Variants in SATB2 observed in about 807,000 individuals in gnomAD.
SATB2 encodes SATB homeobox 2, also known as DNA-binding protein SATB2.
SATB2 carries 1 observed loss-of-function variant against 73.4 expected under a neutral mutation model. That is an observed-to-expected ratio of 0.01 (90% confidence interval 0.00 to 0.06). The LOEUF is 0.06. Among genes scored for constraint, SATB2 ranks in the 10% least tolerant of loss-of-function variants. The pLI, the probability that SATB2 is intolerant of heterozygous loss-of-function variation, is 1.00. For synonymous variants in SATB2, 397 were observed against 367.0 expected, an observed-to-expected ratio of 1.08 and a Z score of -0.93; for missense variants, 459 against 945.8, an observed-to-expected ratio of 0.49 and a Z score of 6.75.
rs776339070 is a variant in SATB2, at chr2:199,409,653, T to TC, written c.346+23684_346+23685insG. On this transcript the variant is annotated intron_variant, in intron 3 of 10. Coordinates refer to ENST00000417098, the MANE Select transcript of SATB2 (RefSeq NM_001172509.2). ...ACTTTAAAAAAAACCAAGACAAGTTTTTTTTGTTTTTTTTTGTTTTTTTTT... is the reference window on the plus strand; with the variant it reads ...ACTTTAAAAAAAACCAAGACAAGTTTCTTTTTGTTTTTTTTTGTTTTTTTTT... Among the ~76,000 whole-genome samples, 120 of 137,562 alleles carry TC rather than the reference T, an allele frequency of 8.7e-4. 2 individuals carry two copies. Among genetic ancestry groups the TC allele is most frequent in the Non-Finnish European group, 4.5e-4 (27 of 59,578 alleles). The allele number at this position is 137,562 out of a possible 152,430, so 90.2% of individuals were successfully genotyped here. A position where few individuals can be genotyped will look rare whatever the true frequency, so the allele number is the denominator to read the frequency against.
At chr2:199,336,994 A>G (rs1261724847) in intron 7 of SATB2, among the ~76,000 whole-genome samples, 1 of 152,182 alleles carries the variant, frequency 6.6e-6, no homozygotes, top group African/African-American at 2.4e-5. Flanking sequence ...AGTTTAATCA[A>G]TGTTAGCCAT....
At chr2:199,312,919 A>T (rs1210949565) in intron 9 of SATB2, among the ~76,000 whole-genome samples, 3 of 152,188 alleles carry the variant, frequency 2.0e-5, no homozygotes, top group Non-Finnish European at 4.4e-5. Context: ...CAAAAATGGC[A>T]AGGTAATAGA....
intron 7 of SATB2, 86 bp from the exon 8 acceptor site, chr2:199,328,996 G>T: frequency 9.6e-7 from 1 of 1,044,874 alleles, no homozygotes; most frequent in Non-Finnish European, 1.5e-6. Context: ...CTCCTCCTTT[G>T]TTTGGTTTAA....
At chr2:199,373,580 CT>C (rs149649131) in intron 5 of SATB2, among the ~76,000 whole-genome samples, 4,003 of 152,226 alleles carry the variant, frequency 0.026, 182 homozygotes, top group African/African-American at 0.093. Context: ...TGTCAGCACC[CT>C]CACCTGTGAT....
At position 199,455,582 on chromosome 2, in the gene SATB2, G is replaced by C. The variant is rs184098636; in HGVS notation, c.169+287C>G. Among the ~76,000 whole-genome samples the C allele has an allele frequency of 1.3e-5, 2 of 152,318 alleles. No individual in the cohort carries two copies. Among genetic ancestry groups the C allele is most frequent in the African/African-American group, 4.8e-5 (2 of 41,570 alleles). The stretch of plus-strand genomic sequence containing the variant: ...GTTAAATCACTAAAAAGCTCTCTAG[G>C]AAAATCTAGAAACAGTTAGCTGGCT... On this transcript the variant is annotated intron_variant, in intron 2 of 10. Transcript: ENST00000417098. The surrounding 1 kb of genome is among the most constrained non-coding windows in gnomAD (Gnocchi z 4.1).
At chr2:199,447,091 G>A (rs946239433) in intron 2 of SATB2, among the ~76,000 whole-genome samples, 11 of 151,838 alleles carry the variant, frequency 7.2e-5, no homozygotes, top group African/African-American at 2.2e-4. Flanking sequence ...CAAGGTTCCC[G>A]GGTGAACTCC....
At chr2:199,424,036 A>T (rs1460467617) in intron 3 of SATB2, 1 of 152,212 alleles carries the variant, frequency 6.6e-6, no homozygotes, top group Non-Finnish European at 1.5e-5. Flanking sequence ...CTTGTAAAAT[A>T]GTAGCACAGA....
At chr2:199,404,417 T>C (rs1690573025) in intron 3 of SATB2, among the ~76,000 whole-genome samples, 1 of 152,150 alleles carries the variant, frequency 6.6e-6, no homozygotes, top group Non-Finnish European at 1.5e-5. Flanking sequence ...GTAATTAAAA[T>C]AGTGCACATT....
chr2:199,308,806 C>G lies in SATB2; in HGVS notation c.1694G>C (p.Ser565Thr). Reference protein sequence around the residue: ...IYEEESRHHHSERMQHVVQLP... With the variant: ...IYEEESRHHHTERMQHVVQLP... ...CTGGACCACGTGTTGCATGCGTTCG[C>G]TGTGGTGATGCCTTGACTCCTCCTC... is the stretch of plus-strand genomic sequence containing the variant. Residue 565 changes from serine to threonine, a missense_variant, in exon 10 of 11, where the codon AGC becomes ACC. By Grantham distance (58) the Ser-to-Thr change is moderately conservative (BLOSUM62 1). Coordinates refer to ENST00000417098, the MANE Select transcript of SATB2 (RefSeq NM_001172509.2). The surrounding 1 kb of genome is among the most constrained non-coding windows in gnomAD (Gnocchi z 4.6). 1.2e-6 allele frequency: 2 copies of G among 1,614,158 alleles called. No individual in the cohort carries two copies. Among genetic ancestry groups the G allele is most frequent in the Non-Finnish European group, 1.7e-6 (2 of 1,180,018 alleles).
upstream of SATB2, among the ~76,000 whole-genome samples, chr2:199,462,442 T>A (rs558345030): frequency 6.6e-6 from 1 of 152,238 alleles, no homozygotes; most frequent in East Asian, 1.9e-4. The surrounding 1 kb of genome is among the most constrained non-coding windows in gnomAD (Gnocchi z 5.9). Flanking sequence ...GGGGCCAGAA[T>A]ACCCCAGTGG....
At chr2:199,438,131 A>G (rs1691706935) in intron 2 of SATB2, among the ~76,000 whole-genome samples, 1 of 152,206 alleles carries the variant, frequency 6.6e-6, no homozygotes, top group South Asian at 2.1e-4. Context: ...TTATTTTTTA[A>G]AAGTAATTGT....
chr2:199,286,947 C>A (rs1692707432), intron 10 of SATB2, among the ~76,000 whole-genome samples: 1 of 152,098 alleles, frequency 6.6e-6, no homozygotes, highest in Non-Finnish European at 1.5e-5. Context: ...TAAACATAAC[C>A]AGGTAACTAA....
intron 9 of SATB2, among the ~76,000 whole-genome samples, chr2:199,310,629 T>G (rs1687570709): frequency 6.6e-6 from 1 of 152,208 alleles, no homozygotes; most frequent in African/African-American, 2.4e-5. Context: ...CTTCTCTATC[T>G]TTTCATAGAT....
intron 3 of SATB2, among the ~76,000 whole-genome samples, chr2:199,406,523 A>C (rs948572524): frequency 1.3e-5 from 2 of 152,216 alleles, no homozygotes; most frequent in Non-Finnish European, 2.9e-5. Context: ...GTTTCAACAG[A>C]GCCTTCTAAG....
chr2:199,393,936 A>T (rs1368262622), intron 3 of SATB2, among the ~76,000 whole-genome samples: 3 of 152,232 alleles, frequency 2.0e-5, no homozygotes, highest in Non-Finnish European at 4.4e-5. Flanking sequence ...AATATCATCC[A>T]GCCGACTGCA....
At chr2:199,281,510 A>C (rs987196813) in intron 10 of SATB2, among the ~76,000 whole-genome samples, 10 of 144,470 alleles carry the variant, frequency 6.9e-5, no homozygotes, top group African/African-American at 2.5e-4. Context: ...TTTTTTACTT[A>C]AAAGTAACAA....
rs72202602 is a variant in SATB2, at chr2:199,355,348, CTATATATATATA to C, written c.701-6187_701-6176del. Among the ~76,000 whole-genome samples the C allele has an allele frequency of 8.6e-3, 1,157 of 133,972 alleles. 41 individuals carry two copies. Among genetic ancestry groups the C allele is most frequent in the Admixed American group, 0.018 (236 of 13,442 alleles). The allele number at this position is 133,972 out of a possible 152,430, so 87.9% of individuals were successfully genotyped here. ...TATGTGTGTGTGTGTGTGTGTGTAT[CTATATATATATA>C]TATATATATATATATAGTCTTTCAC... On this transcript the variant is annotated intron_variant, in intron 6 of 10. Coordinates refer to ENST00000417098, the MANE Select transcript of SATB2 (RefSeq NM_001172509.2).
upstream of SATB2, chr2:199,459,692 C>T (rs1051311215): frequency 1.3e-5 from 2 of 152,854 alleles, no homozygotes; most frequent in African/African-American, 2.4e-5. This position sits in a 1 kb window ranked among gnomAD's most constrained non-coding sequence, Gnocchi z 4.2. Context: ...ACCGATCCCC[C>T]TTAAGAAGCG....
At chr2:199,419,746 A>G (rs1392327097) in intron 3 of SATB2, among the ~76,000 whole-genome samples, 1 of 152,212 alleles carries the variant, frequency 6.6e-6, no homozygotes, top group African/African-American at 2.4e-5. Flanking sequence ...TAGGTATTTC[A>G]GAAAACATAA....
Sources: gnomAD v4.1 joint callset for allele counts (sites outside exome capture counted in the v4.1 genomes callset) on GRCh38, gnomAD v4.1.1 for gene constraint, Gnocchi (gnomAD v3.1) non-coding constraint, MANE v1.5 for transcripts, NCBI Gene and HGNC (gene_info 2026-07-23, HGNC 2026-07-21) for gene names.